PYM1: variants seen among roughly 807,000 people sequenced by gnomAD.
The protein encoded by PYM1 is PYM1 exon junction complex associated factor.
PYM1 carries 7 observed loss-of-function variants against 20.7 expected under a neutral mutation model. The ratio of observed to expected loss-of-function variants is 0.34; its 90% confidence interval spans 0.19 to 0.64. The LOEUF (loss-of-function observed/expected upper bound fraction) is 0.64. PYM1 is among the 30% of genes least tolerant of loss of function. PYM1 has a pLI of 0.74. For synonymous variants in PYM1, 100 were observed against 99.2 expected (o/e 1.01, Z -0.05); for missense variants, 194 against 250.0 (o/e 0.78, Z 1.51).
intron 1 of PYM1, chr12:55,926,993 G>A (rs1331064171): frequency 2.2e-6 from 3 of 1,386,226 alleles, no homozygotes; most frequent in South Asian, 1.5e-5. Flanking sequence ...GCCCCGGGAT[G>A]GGCGGGGCAC....
intron 1 of PYM1, among the ~76,000 whole-genome samples, chr12:55,905,150 T>A (rs530329858): frequency 2.7e-5 from 4 of 150,114 alleles, no homozygotes; most frequent in South Asian, 2.1e-4. Context: ...TACAGGCGCC[T>A]GCCACCACAC....
At chr12:55,921,522 C>A (rs1188006364) in intron 1 of PYM1, among the ~76,000 whole-genome samples, 2 of 151,762 alleles carry the variant, frequency 1.3e-5, no homozygotes, top group African/African-American at 2.4e-5. Flanking sequence ...AATAAAACTC[C>A]CATAAATAAA....
intron 1 of PYM1, among the ~76,000 whole-genome samples, chr12:55,908,138 G>C (rs1882857517): frequency 6.6e-6 from 1 of 152,012 alleles, no homozygotes. Flanking sequence ...AGCTACTTGG[G>C]AGGGTAAGGC....
At chr12:55,920,710 T>C (rs1883084323) in intron 1 of PYM1, among the ~76,000 whole-genome samples, 1 of 150,092 alleles carries the variant, frequency 6.7e-6, no homozygotes, top group South Asian at 2.1e-4. Context: ...ACAAAAACAT[T>C]CTAGTGTTCT....
intron 1 of PYM1, among the ~76,000 whole-genome samples, chr12:55,921,967 C>A (rs1883104896): frequency 6.6e-6 from 1 of 152,126 alleles, no homozygotes; most frequent in Admixed American, 6.6e-5. Flanking sequence ...GCCTCAGCCT[C>A]CCTGGCTCAA....
Position 55,912,869 on chromosome 12 carries a change from C to T in PYM1, c.38-9389G>A, listed in dbSNP as rs1882948687. ...ATCCCAGCTACTTGGGAGCCTGAGG[C>T]AGGAGAATCACTTGAACCCGGGAGG... is the stretch of plus-strand genomic sequence containing the variant. On this transcript the variant is annotated intron_variant, in intron 1 of 2. Transcript: ENST00000408946. Among the ~76,000 whole-genome samples the T allele has an allele frequency of 2.0e-5, 3 of 151,008 alleles. No individual in the cohort carries two copies. The South Asian group carries it at 6.3e-4, about 32-fold the overall frequency.
chr12:55,923,535 A>C (rs990507731), intron 1 of PYM1, among the ~76,000 whole-genome samples: 2 of 151,686 alleles, frequency 1.3e-5, no homozygotes, highest in African/African-American at 4.8e-5. Flanking sequence ...ACTGCACTCC[A>C]GCCTGGGTGA....
rs1565713256 is a variant in PYM1, at chr12:55,902,211, C to T, written c.276G>A (p.Lys92=). Residue 92 remains lysine, a synonymous_variant, in exon 3 of 3, where the codon AAG becomes AAA. Transcript: ENST00000408946. ...GLSKTAKRNL[K]RKEKRRQQQE... is the part of the protein sequence containing the mutation. ...GCTGCTGCCGCCTCTTCTCCTTTCGCTTCAGGTTACGTTTGGCTGTCTTGG... is the reference window on the plus strand; with the variant it reads ...GCTGCTGCCGCCTCTTCTCCTTTCGTTTCAGGTTACGTTTGGCTGTCTTGG... The T allele has an allele frequency of 6.2e-7, 1 of 1,614,148 alleles. No homozygotes were observed. The highest frequency in any genetic ancestry group is 8.5e-7 in the Non-Finnish European group (1 of 1,180,026).
intron 1 of PYM1, among the ~76,000 whole-genome samples, chr12:55,923,235 T>TAATA (rs941473228): frequency 3.3e-5 from 5 of 149,876 alleles, no homozygotes; most frequent in Admixed American, 6.6e-5. Flanking sequence ...AAAAAAATAG[T>TAATA]AATAAATAAA....
intron 1 of PYM1, chr12:55,927,198 C>G: frequency 6.5e-7 from 1 of 1,534,734 alleles, no homozygotes; most frequent in South Asian, 1.2e-5. Flanking sequence ...TAGCAAGCCA[C>G]CATCTTAGTC....
chr12:55,927,037 G>A (rs1211473026), intron 1 of PYM1: 5 of 1,492,276 alleles, frequency 3.4e-6, no homozygotes, highest in South Asian at 2.6e-5. Context: ...CCTGCCCCGA[G>A]AGCCCGGAGA....
intron 1 of PYM1, among the ~76,000 whole-genome samples, chr12:55,905,894 A>AT (rs1882798238): frequency 8.4e-6 from 1 of 118,756 alleles, no homozygotes; most frequent in Non-Finnish European, 1.7e-5. Flanking sequence ...ATATATTATT[A>AT]TATATATCTA....
chr12:55,909,141 C>G (rs77120736), intron 1 of PYM1, among the ~76,000 whole-genome samples: 1,746 of 152,048 alleles, frequency 0.011, 20 homozygotes, highest in Non-Finnish European at 0.019. Context: ...GTGAGTAAAA[C>G]ATAACTACTA....
intron 1 of PYM1, among the ~76,000 whole-genome samples, chr12:55,924,319 GA>G (rs1482612911): frequency 3.3e-5 from 5 of 152,104 alleles, no homozygotes; most frequent in Non-Finnish European, 5.9e-5. Context: ...AGGCAGCAAG[GA>G]AACAGAAATA....
chr12:55,926,033 A>G (rs1300276658), intron 1 of PYM1, among the ~76,000 whole-genome samples: 1 of 152,234 alleles, frequency 6.6e-6, no homozygotes, highest in Non-Finnish European at 1.5e-5. Context: ...CATGGAAAGC[A>G]GCAGAGCAAG....
chr12:55,906,294 T>C (rs183983698), intron 1 of PYM1, among the ~76,000 whole-genome samples: 5 of 151,988 alleles, frequency 3.3e-5, no homozygotes, highest in East Asian at 1.9e-4. Flanking sequence ...TAAAAAAATA[T>C]GTATTCAAGG....
chr12:55,926,956 C>T (rs552317030), intron 1 of PYM1: 2 of 1,052,386 alleles, frequency 1.9e-6, no homozygotes, highest in African/African-American at 1.6e-5. Context: ...ATGGGGAAGG[C>T]GGTCCGGGGG....
chr12:55,903,030 G>A (rs1882723850), intron 2 of PYM1, among the ~76,000 whole-genome samples: 1 of 151,944 alleles, frequency 6.6e-6, no homozygotes, highest in Admixed American at 6.6e-5. Context: ...TAATCCACCT[G>A]CCTAGGCCTC....
Position 55,905,939 on chromosome 12 carries a change from TATATATATTATTATATATATCTAATAG to T in PYM1, c.38-2486_38-2460del, listed in dbSNP as rs1300209712. ...TATATTATTATATATATCTAATAGATATATATATTATTATATATATCTAATAGATATATATATTATTATATATAATAT... is the reference window on the plus strand; with the variant it reads ...TATATTATTATATATATCTAATAGATATATATATATTATTATATATAATAT... On this transcript the variant is annotated intron_variant, in intron 1 of 2. Coordinates refer to ENST00000408946, the MANE Select transcript of PYM1 (RefSeq NM_032345.3). Among the ~76,000 whole-genome samples the T allele has an allele frequency of 5.1e-4, 63 of 124,284 alleles. 9 individuals carry two copies. Among genetic ancestry groups the T allele is most frequent in the African/African-American group, 2.1e-3 (61 of 29,104 alleles). The allele number at this position is 124,284 out of a possible 152,430, so 81.5% of individuals were successfully genotyped here.
Sources: allele counts gnomAD v4.1 joint callset (sites outside exome capture counted in the v4.1 genomes callset), GRCh38; gene constraint gnomAD v4.1.1; transcripts MANE v1.5; gene names NCBI Gene and HGNC (gene_info 2026-07-23, HGNC 2026-07-21).